Variants in ABCC9 observed in about 807,000 individuals in gnomAD.
ABCC9 encodes the protein ATP binding cassette subfamily C member 9, also known as ATP-binding cassette sub-family C member 9.
In ABCC9, 95 loss-of-function variants were observed where a neutral mutation model predicts 188.3. The observed-to-expected ratio is 0.50, with a 90% CI of 0.43 to 0.60. ABCC9 has a LOEUF of 0.60. Among genes scored for constraint, ABCC9 ranks in the 20% least tolerant of loss-of-function variants. The pLI, the probability that ABCC9 is intolerant of heterozygous loss-of-function variation, is 0.00. For synonymous variants in ABCC9, 659 were observed against 652.7 expected, an observed-to-expected ratio of 1.01 and a Z score of -0.15; for missense variants, 1,102 against 1,876.3, an observed-to-expected ratio of 0.59 and a Z score of 7.62.
rs1226097165 is a variant in ABCC9 at position 21,908,182 on chromosome 12, A to G, written c.1350T>C (p.Asn450=). The change falls in exon 11 of 40, where the codon AAT becomes AAC. Residue 450 remains asparagine, a synonymous_variant. Coordinates refer to ENST00000261200, the MANE Select transcript of ABCC9 (RefSeq NM_020297.4). ...QIIMGVILLY[N]LLGSSALVGA... is the part of the protein sequence containing the mutation. The stretch of plus-strand genomic sequence containing the variant: ...CGACCAATGCACTTGATCCAAGTAA[A>G]TTATAGAGCAGAATCACGCCCATTA... 1 of 1,612,714 alleles carries G rather than the reference A, an allele frequency of 6.2e-7. No homozygotes were observed. Among genetic ancestry groups the G allele is most frequent in the Non-Finnish European group, 8.5e-7 (1 of 1,179,046 alleles).
intron 31 of ABCC9, among the ~76,000 whole-genome samples, chr12:21,823,804 T>C (rs1274747990): frequency 2.0e-5 from 3 of 152,196 alleles, no homozygotes; most frequent in Non-Finnish European, 2.9e-5. Context: ...TAGTGACACA[T>C]TGCACTCAAC....
At chr12:21,864,895 T>A (rs1303484650) in intron 18 of ABCC9, among the ~76,000 whole-genome samples, 1 of 152,054 alleles carries the variant, frequency 6.6e-6, no homozygotes, top group South Asian at 2.1e-4. Flanking sequence ...TTAGCTACCC[T>A]AAGGTAGCAG....
chr12:21,939,542 C>T (rs1403072383), intron 2 of ABCC9, among the ~76,000 whole-genome samples: 1 of 152,154 alleles, frequency 6.6e-6, no homozygotes, highest in Non-Finnish European at 1.5e-5. Context: ...GGGTATAAAT[C>T]GCTGTTCTTG....
chr12:21,853,253 C>T (rs375724790), intron 22 of ABCC9, among the ~76,000 whole-genome samples: 4 of 152,044 alleles, frequency 2.6e-5, no homozygotes, highest in East Asian at 1.9e-4. Context: ...GGAAGAGGTT[C>T]CTGGAGGAGG....
intron 21 of ABCC9, among the ~76,000 whole-genome samples, chr12:21,859,885 C>A (rs1022874064): frequency 2.0e-5 from 3 of 152,144 alleles, no homozygotes; most frequent in African/African-American, 7.2e-5. Context: ...GTTAATCTTC[C>A]TTTCACTCTA....
intron 17 of ABCC9, 69 bp from the exon 18 acceptor site, chr12:21,872,799 T>C (rs1565765371): frequency 5.7e-6 from 7 of 1,231,492 alleles, no homozygotes; most frequent in Non-Finnish European, 8.4e-6. Context: ...TCAAAACACA[T>C]TTAGAAAAAG....
chr12:21,826,451 TG>T (rs1943383958), intron 31 of ABCC9, among the ~76,000 whole-genome samples: 1 of 152,190 alleles, frequency 6.6e-6, no homozygotes, highest in South Asian at 2.1e-4. Flanking sequence ...ACAGTAGTAA[TG>T]AGGTCATTTA....
chr12:21,903,027 G>A (rs915497094), intron 12 of ABCC9, among the ~76,000 whole-genome samples: 1 of 152,122 alleles, frequency 6.6e-6, no homozygotes, highest in African/African-American at 2.4e-5. Context: ...GATGAACACA[G>A]ATGCAAAAAT....
chr12:21,859,742 C>A (rs1945411003), intron 21 of ABCC9, 76 bp from the exon 22 acceptor site: 1 of 1,237,114 alleles, frequency 8.1e-7, no homozygotes, highest in Admixed American at 1.7e-5. Flanking sequence ...CCTTAAATTA[C>A]AAACGTCTTT....
intron 7 of ABCC9, among the ~76,000 whole-genome samples, 156 bp downstream of exon 7, chr12:21,915,512 A>ATTTTTTTTTTTTTTTT (rs1254915972): frequency 0.021 from 8 of 382 alleles, 2 homozygotes; most frequent in Admixed American, 0.05. Context: ...ATATATATAT[A>ATTTTTTTTTTTTTTTT]TATTTTTTTT....
At chr12:21,836,233 C>G (rs1370402228) in intron 30 of ABCC9, among the ~76,000 whole-genome samples, 3 of 152,258 alleles carry the variant, frequency 2.0e-5, no homozygotes, top group South Asian at 2.1e-4. Flanking sequence ...CAACTCTGAT[C>G]ATATCACTTT....
rs200876028 is a variant in ABCC9 at position 21,818,247 on chromosome 12, T to C, written c.3674A>G (p.Tyr1225Cys). The C allele has an allele frequency of 2.5e-6, 4 of 1,613,440 alleles. No individual in the cohort carries two copies. Among genetic ancestry groups the C allele is most frequent in the African/African-American group, 1.3e-5 (1 of 75,000 alleles). Residue 1225 changes from tyrosine (Y) to cysteine (C), a missense_variant, in exon 32 of 40, where the codon TAT becomes TGT. By Grantham distance (194) the Tyr-to-Cys change is radical (BLOSUM62 -2). Around this residue, in one of 12 missense-constraint regions of ABCC9, gnomAD observed 143 missense variants for 225.6 expected, o/e 0.63. Transcript: ENST00000261200. Reference sequence around the variant, plus strand: ...AGTGAGGACAATGCAAGCTCCCAGATAATCCTTTGAAAAAGCAAGAGAAAA... The same window carrying C: ...AGTGAGGACAATGCAAGCTCCCAGACAATCCTTTGAAAAAGCAAGAGAAAA... ...ANRWLEVRTD[Y>C]LGACIVLTAS...
intron 2 of ABCC9, chr12:21,937,954 G>A (rs957052800): frequency 6.6e-6 from 1 of 152,146 alleles, no homozygotes; most frequent in Non-Finnish European, 1.5e-5. Flanking sequence ...CTATATTTAT[G>A]TCACAATGGA....
At chr12:21,874,405 G>T (rs1946238018) in intron 17 of ABCC9, among the ~76,000 whole-genome samples, 2 of 152,168 alleles carry the variant, frequency 1.3e-5, no homozygotes, top group African/African-American at 2.4e-5. Flanking sequence ...ACACACTGTT[G>T]CTGGTAATGT....
At chr12:21,839,045 G>A (rs893722066) in intron 29 of ABCC9, among the ~76,000 whole-genome samples, 3 of 152,056 alleles carry the variant, frequency 2.0e-5, no homozygotes, top group African/African-American at 7.2e-5. Flanking sequence ...ACAGAAAGAA[G>A]GTAATCAGAG....
intron 14 of ABCC9, among the ~76,000 whole-genome samples, chr12:21,890,723 A>G (rs977970872): frequency 6.6e-6 from 1 of 152,052 alleles, no homozygotes; most frequent in Non-Finnish European, 1.5e-5. Flanking sequence ...CGCAAGGACA[A>G]AAAACGAAAC....
intron 30 of ABCC9, among the ~76,000 whole-genome samples, chr12:21,830,757 AC>A: frequency 6.6e-6 from 1 of 152,306 alleles, no homozygotes. Context: ...CTAAATAGTT[AC>A]CTCACATTGA....
intron 24 of ABCC9, 113 bp from the exon 25 acceptor site, chr12:21,848,359 C>G: frequency 1.1e-6 from 1 of 895,704 alleles, no homozygotes; most frequent in South Asian, 1.4e-5. Flanking sequence ...CTCAAGCGCT[C>G]TGTGCTCACT....
chr12:21,926,087 C>T, intron 4 of ABCC9, 24 bp from the exon 5 acceptor site: 1 of 1,613,822 alleles, frequency 6.2e-7, no homozygotes, highest in Non-Finnish European at 8.5e-7. Context: ...TACGTCAACG[C>T]CTAAAGCTGA....
Sources: gnomAD v4.1 joint callset for allele counts (sites outside exome capture counted in the v4.1 genomes callset) on GRCh38, gnomAD v4.1.1 for gene constraint, gnomAD v4.1.1 regional missense constraint, MANE v1.5 for transcripts, NCBI Gene and HGNC (gene_info 2026-07-23, HGNC 2026-07-21) for gene names.